IGFN1: variants seen among roughly 807,000 people sequenced by gnomAD.
The protein encoded by IGFN1 is immunoglobulin like and fibronectin type III domain containing 1.
IGFN1 carries 253 observed loss-of-function variants against 289.5 expected under a neutral mutation model. That is an observed-to-expected ratio of 0.87 (90% CI 0.79 to 0.97). The LOEUF (loss-of-function observed/expected upper bound fraction) is 0.97, where lower values mean the gene tolerates loss of function less well. Ranked by LOEUF, IGFN1 falls within the 50% of genes least tolerant of loss-of-function variation. The probability of loss-of-function intolerance (pLI) is 0.00; values close to 1 mark genes in which losing one functional copy is unlikely to be tolerated. For synonymous variants in IGFN1, 1,706 were observed against 1,788.5 expected, an observed-to-expected ratio of 0.95 and a Z score of 1.16; for missense variants, 4,470 against 4,686.1, an observed-to-expected ratio of 0.95 and a Z score of 1.35.
At chr1:201,206,009 A>G in intron 11 of IGFN1, 74 bp from the exon 12 acceptor site, 1 of 1,097,942 alleles carries the variant, frequency 9.1e-7, no homozygotes, top group Non-Finnish European at 1.3e-6. Context: ...GCCGGATTTA[A>G]CAGGAGTTTT....
At chr1:201,196,008 G>A (rs1666902104) in intron 4 of IGFN1, 30 bp downstream of exon 4, 5 of 1,547,136 alleles carry the variant, frequency 3.2e-6, no homozygotes, top group Non-Finnish European at 4.4e-6. Flanking sequence ...CCCTGACCAG[G>A]GTCTACTCGT....
rs777338105 is a variant in IGFN1, at chr1:201,205,279, G to T, written c.1114G>T (p.Ala372Ser). ...GLTHRLVVRG[A>S]RFSDMGPYSL... is the part of the protein sequence containing the mutation. The stretch of plus-strand genomic sequence containing the variant: ...GACCCACCGGCTGGTGGTGAGGGGG[G>T]CACGTTTCTCAGACATGGGCCCCTA... Residue 372 changes from alanine (A) to serine (S), a missense_variant, in exon 11 of 24, where the codon GCA becomes TCA. By Grantham distance (99) the Ala-to-Ser change is moderately conservative. This residue lies in a region of IGFN1 where 2,011 missense variants were observed against 1,953.4 expected (regional missense o/e 1.03). Transcript: ENST00000335211. 1 of 1,550,836 alleles carries T rather than the reference G, an allele frequency of 6.4e-7. No homozygotes were observed. The highest frequency in any genetic ancestry group is 2.0e-5 in the Admixed American group (1 of 50,988).
In IGFN1 at chr1:201,207,108, C is replaced by A. The variant is rs764608934; in HGVS notation, c.2215C>A (p.Leu739Ile). ...ATCAATATCAGGTGGTAGAAAATTC[C>A]TTCTGGGAGATGGGAGTCCTGAGAT... ...EPSISGGRKF[L>I]LGDGSPEIKA... Residue 739 changes from leucine (L) to isoleucine (I), a missense_variant, in exon 12 of 24, where the codon CTT (leucine) becomes ATT (isoleucine). Transcript: ENST00000335211. The A allele has an allele frequency of 5.9e-6, 9 of 1,537,004 alleles. No homozygotes were observed. In the South Asian group the frequency reaches 7.1e-5, roughly 12 times the overall value.
At chr1:201,194,369 G>GGAA in intron 3 of IGFN1, 96 bp downstream of exon 3, 1 of 1,384,876 alleles carries the variant, frequency 7.2e-7, no homozygotes, top group Non-Finnish European at 9.8e-7. Context: ...TGGGGACCCA[G>GGAA]GCCCTATATC....
Position 201,213,148 on chromosome 1 carries a change from A to T in IGFN1, c.8255A>T (p.Asp2752Val). ...CCCTTTGGCAGAAAAGCCTCTAGAG[A>T]TAGGTCAGGAGGGACCCAGGACCTG... Reference protein sequence around the residue: ...DGPFGRKASRDRSGGTQDLSS... With the variant: ...DGPFGRKASRVRSGGTQDLSS... The change falls in exon 12 of 24, where the codon GAT (aspartate) becomes GTT (valine). Residue 2752 changes from aspartate to valine, a missense_variant. Physicochemically the swap from Asp to Val is radical, Grantham distance 152. Transcript: ENST00000335211. 6.4e-7 allele frequency: 1 copy of T among 1,551,570 alleles called. No individual in the cohort carries two copies. Among genetic ancestry groups the T allele is most frequent in the Non-Finnish European group, 8.7e-7 (1 of 1,146,964 alleles).
At position 201,208,615 on chromosome 1, in the gene IGFN1, C is replaced by G. The variant is rs1265356986; in HGVS notation, c.3722C>G (p.Pro1241Arg). ...GGAGAAAGGTCAAGGGGCCTTGGGC[C>G]TAGGAGTACAGGGCCAGGGGGTGAG... Reference protein sequence around the residue: ...AYGERSRGLGPRSTGPGGEAG... With the variant: ...AYGERSRGLGRRSTGPGGEAG... Residue 1241 changes from proline to arginine, a missense_variant, in exon 12 of 24, where the codon CCT becomes CGT. Transcript: ENST00000335211. The G allele has an allele frequency of 2.0e-6, 3 of 1,517,106 alleles. No individual in the cohort carries two copies. In the South Asian group the frequency reaches 3.7e-5, roughly 19 times the overall value. 94.0% of individuals were successfully genotyped at this position (1,517,106 alleles called of 1,614,324 possible).
intron 20 of IGFN1, among the ~76,000 whole-genome samples, chr1:201,223,756 G>T (rs12029731): frequency 0.064 from 9,774 of 152,226 alleles, 402 homozygotes; most frequent in East Asian, 0.09. Context: ...TCAAAGGTCT[G>T]AGGGTTCAAG....
intron 2 of IGFN1, among the ~76,000 whole-genome samples, 180 bp downstream of exon 2, chr1:201,193,480 C>A (rs1004967371): frequency 6.6e-6 from 1 of 152,034 alleles, no homozygotes; most frequent in African/African-American, 2.4e-5. Flanking sequence ...GAGACAGAAT[C>A]TCACTCTGTT....
In IGFN1 at chr1:201,203,823, A is replaced by G; in HGVS notation, c.833A>G (p.Gln278Arg). ...RLGKRYEFQIQDLRPEDSGIY... is the reference protein window; with the variant it reads ...RLGKRYEFQIRDLRPEDSGIY... Reference sequence around the variant, plus strand: ...GGGAAGCGCTATGAGTTCCAGATTCAAGACCTGAGGCCTGAGGACTCTGGC... The same window carrying G: ...GGGAAGCGCTATGAGTTCCAGATTCGAGACCTGAGGCCTGAGGACTCTGGC... Residue 278 changes from glutamine (Q) to arginine (R), a missense_variant, in exon 10 of 24, where the codon CAA becomes CGA. Gln to Arg is a conservative substitution (Grantham distance 43). This residue lies in a region of IGFN1 where 2,011 missense variants were observed against 1,953.4 expected (regional missense o/e 1.03). Coordinates refer to ENST00000335211, the MANE Select transcript of IGFN1 (RefSeq NM_001164586.2). 2.6e-6 allele frequency: 4 copies of G among 1,551,734 alleles called. No individual in the cohort carries two copies. The highest frequency in any genetic ancestry group is 3.5e-6 in the Non-Finnish European group (4 of 1,147,008).
Position 201,228,371 on chromosome 1 carries a change from T to C in IGFN1, c.11114-15T>C. 4 of 1,613,918 alleles carry C rather than the reference T, an allele frequency of 2.5e-6. No individual in the cohort carries two copies. Among genetic ancestry groups the C allele is most frequent in the Non-Finnish European group, 3.4e-6 (4 of 1,179,880 alleles). On this transcript the variant is annotated splice_polypyrimidine_tract_variant and intron_variant, in intron 23 of 23. Transcript: ENST00000335211. ...CTGCCCCTCTGAACCAACTGGAATA[T>C]CCTGTGTCTTGCAGAACCCAGCACC...
intron 18 of IGFN1, among the ~76,000 whole-genome samples, chr1:201,220,146 C>G (rs998297447): frequency 6.9e-6 from 1 of 144,196 alleles, no homozygotes; most frequent in Non-Finnish European, 1.5e-5. Context: ...TCTCTCTCCC[C>G]CTTCCTCCCT....
At chr1:201,219,611 T>G (rs2039959) in intron 18 of IGFN1, among the ~76,000 whole-genome samples, 137,900 of 152,304 alleles carry the variant, frequency 0.91, 62,567 homozygotes, top group East Asian at 1. Context: ...CCCTAATCAG[T>G]TTGCCTACGC....
At chr1:201,225,760 G>A (rs926099731) in intron 21 of IGFN1, 64 bp from the exon 22 acceptor site, 5 of 1,431,122 alleles carry the variant, frequency 3.5e-6, no homozygotes, top group East Asian at 4.8e-5. Context: ...GGGACCTGGA[G>A]GGGGCTGGTA....
chr1:201,206,607 G>A lies in IGFN1; in HGVS notation c.1714G>A (p.Gly572Arg), dbSNP rs1292699700. The A allele has an allele frequency of 6.5e-6, 10 of 1,544,726 alleles. No individual in the cohort carries two copies. In the South Asian group the frequency reaches 1.1e-4, roughly 17 times the overall value. ...CAGTCGGCTTCAGGCTGGAGGACTG[G>A]GGAGCAGCAGGGAAGGAAAGGAGCA... ...GSSRLQAGGLGSSREGKEHRG... is the reference protein window; with the variant it reads ...GSSRLQAGGLRSSREGKEHRG... The change falls in exon 12 of 24, where the codon GGG becomes AGG. Residue 572 changes from glycine to arginine, a missense_variant. Coordinates refer to ENST00000335211, the MANE Select transcript of IGFN1 (RefSeq NM_001164586.2).
chr1:201,223,347 A>ATTT (rs1278921103), intron 20 of IGFN1, among the ~76,000 whole-genome samples: 4 of 110,006 alleles, frequency 3.6e-5, no homozygotes, highest in African/African-American at 1.5e-4. Flanking sequence ...CTTTGGACAA[A>ATTT]TATTATTTAT....
intron 21 of IGFN1, 152 bp downstream of exon 21, chr1:201,225,026 T>C (rs1653988570): frequency 1.7e-6 from 1 of 575,266 alleles, no homozygotes; most frequent in South Asian, 2.6e-5. Flanking sequence ...TGCTTGATGA[T>C]AGAAAGTAGA....
Position 201,206,090 on chromosome 1 carries a change from G to A in IGFN1, c.1197G>A (p.Lys399=). The A allele has an allele frequency of 6.5e-7, 1 of 1,546,628 alleles. No individual in the cohort carries two copies. The highest frequency in any genetic ancestry group is 8.7e-7 in the Non-Finnish European group (1 of 1,143,400). ...SSAWLVVEAG[K]DKDLQSTSAD... ...AATAACCCCTCACTGAAGCTGGGAA[G>A]GATAAAGACCTTCAGTCCACAAGTG... The change falls in exon 12 of 24, where the codon AAG becomes AAA. Residue 399 remains lysine, a synonymous_variant. Coordinates refer to ENST00000335211, the MANE Select transcript of IGFN1 (RefSeq NM_001164586.2).
chr1:201,199,218 G>T (rs1667045286), intron 5 of IGFN1, 116 bp from the exon 6 acceptor site: 2 of 874,126 alleles, frequency 2.3e-6, no homozygotes, highest in Admixed American at 4.0e-5. Context: ...TTAGAGGACA[G>T]TGGGGAGAGC....
At chr1:201,221,393 G>C (rs1571491701) in intron 18 of IGFN1, 51 bp from the exon 19 acceptor site, 2 of 1,364,708 alleles carry the variant, frequency 1.5e-6, no homozygotes, top group Non-Finnish European at 2.0e-6. Flanking sequence ...TCCACACTGA[G>C]TGGCCTCCCT....
Sources: gnomAD v4.1 joint callset for allele counts (sites outside exome capture counted in the v4.1 genomes callset) on GRCh38, gnomAD v4.1.1 for gene constraint, gnomAD v4.1.1 regional missense constraint, MANE v1.5 for transcripts, NCBI Gene and HGNC (gene_info 2026-07-23, HGNC 2026-07-21) for gene names.